The following CNOT4 variants were observed in gnomAD, a reference collection of about 807,000 sequenced individuals.
CNOT4 encodes the protein CCR4-associated factor 4.
Under a neutral mutation model 73.8 loss-of-function variants are expected in CNOT4, and 8 were observed. The ratio of observed to expected loss-of-function variants is 0.11; its 90% CI spans 0.06 to 0.20. The LOEUF is 0.20. Among genes scored for constraint, CNOT4 ranks in the 10% least tolerant of loss-of-function variants. CNOT4 has a pLI of 1.00. For synonymous variants in CNOT4, 293 were observed against 321.1 expected (o/e 0.91, Z 0.94); for missense variants, 564 against 883.4 (o/e 0.64, Z 4.58).
At chr7:135,495,681 A>T (rs1803458741) in intron 1 of CNOT4, among the ~76,000 whole-genome samples, 1 of 98,798 alleles carries the variant, frequency 1.0e-5, no homozygotes, top group Non-Finnish European at 2.1e-5. Context: ...AAAAAAAAAA[A>T]AAAAAAAAAA....
At chr7:135,441,469 G>GA (rs1406316129) in intron 1 of CNOT4, among the ~76,000 whole-genome samples, 12 of 149,954 alleles carry the variant, frequency 8.0e-5, no homozygotes, top group Admixed American at 8.0e-4. Context: ...ATACAGTTAG[G>GA]AGTTTAAAGC....
chr7:135,441,100 T>C (rs748777179), intron 1 of CNOT4, among the ~76,000 whole-genome samples: 35 of 152,154 alleles, frequency 2.3e-4, no homozygotes, highest in Non-Finnish European at 4.7e-4. Context: ...AAACCCTGTA[T>C]GCATATATAT....
Position 135,388,381 on chromosome 7 carries a change from A to G in CNOT4, c.1627+5537T>C, listed in dbSNP as rs577429103. The G allele has an allele frequency of 2.9e-5, 29 of 984,930 alleles. No homozygotes were observed. In the African/African-American group the frequency reaches 5.1e-4, roughly 17 times the overall value. 61.0% of individuals were successfully genotyped at this position (984,930 alleles called of 1,614,324 possible). A position where few individuals can be genotyped will look rare whatever the true frequency, so the allele number is the denominator to read the frequency against. On this transcript the variant is annotated intron_variant, in intron 10 of 11. Transcript: ENST00000541284. ...GTATTCAAAGAATGCAATAGACATTATCTTGTTAATTTGCAAATTTTTCAG... is the reference window on the plus strand; with the variant it reads ...GTATTCAAAGAATGCAATAGACATTGTCTTGTTAATTTGCAAATTTTTCAG...
intron 2 of CNOT4, among the ~76,000 whole-genome samples, chr7:135,431,550 T>C (rs1798842952): frequency 6.6e-6 from 1 of 152,134 alleles, no homozygotes; most frequent in Non-Finnish European, 1.5e-5. Context: ...GAGACCATCC[T>C]GGCTAACATG....
intron 1 of CNOT4, among the ~76,000 whole-genome samples, chr7:135,454,611 T>C (rs920111718): frequency 1.4e-4 from 21 of 151,768 alleles, no homozygotes; most frequent in African/African-American, 4.6e-4. Flanking sequence ...GAAGTGGAAG[T>C]TGCAGTGAGC....
chr7:135,364,612 A>G lies in CNOT4; in HGVS notation c.1628-546T>C, dbSNP rs138228094. ...TCAGAAGAGAAAAGCAGTAATGAAC[A>G]GGCTTTTGAATTTGAAAAGAATGTA... On this transcript the variant is annotated intron_variant, in intron 10 of 11. Coordinates refer to ENST00000541284, the MANE Select transcript of CNOT4 (RefSeq NM_001190850.2). The surrounding 1 kb of genome is among the most constrained non-coding windows in gnomAD (Gnocchi z 4.3). Among the ~76,000 whole-genome samples, 174 of 152,382 alleles carry G rather than the reference A, an allele frequency of 1.1e-3. No individual in the cohort carries two copies. The highest frequency in any genetic ancestry group is 3.9e-3 in the African/African-American group (162 of 41,592).
intron 7 of CNOT4, among the ~76,000 whole-genome samples, chr7:135,406,497 A>C (rs918874): frequency 2.0e-5 from 3 of 150,340 alleles, no homozygotes; most frequent in Admixed American, 2.0e-4. Flanking sequence ...CCATCTCTAC[A>C]AAAAAAAAGA....
At chr7:135,381,948 C>G (rs905839757) in intron 10 of CNOT4, among the ~76,000 whole-genome samples, 4 of 152,086 alleles carry the variant, frequency 2.6e-5, no homozygotes, top group Non-Finnish European at 5.9e-5. Context: ...ACAGTATGTT[C>G]CAGGGTCAGC....
rs1798231000 is a variant in CNOT4, at chr7:135,422,177, A to C, written c.351T>G (p.Ser117=). 3 of 1,609,990 alleles carry C rather than the reference A, an allele frequency of 1.9e-6. No homozygotes were observed. The highest frequency in any genetic ancestry group is 1.7e-5 in the Admixed American group (1 of 59,978). ...TTACCTCTGGGTCTGCTAGGCGCTG[A>C]GATAAACCTACAACAAAGACGAGGT... ...QKNLVFVVGL[S]QRLADPEVLK... is the part of the protein sequence containing the mutation. Residue 117 remains serine, a synonymous_variant, in exon 3 of 12, where the codon TCT becomes TCG. Transcript: ENST00000541284.
intron 1 of CNOT4, among the ~76,000 whole-genome samples, chr7:135,458,558 T>C (rs537268989): frequency 2.9e-4 from 44 of 152,260 alleles, no homozygotes; most frequent in African/African-American, 1.0e-3. Flanking sequence ...TCTTTCAAAA[T>C]TGGAGGCAAT....
chr7:135,407,269 ATTTC>A (rs1797343544), intron 7 of CNOT4, among the ~76,000 whole-genome samples: 1 of 152,224 alleles, frequency 6.6e-6, no homozygotes, highest in African/African-American at 2.4e-5. Flanking sequence ...AGTCTCAAGT[ATTTC>A]TTTATAGCAA....
chr7:135,396,718 T>C (rs1171879753), intron 8 of CNOT4, among the ~76,000 whole-genome samples: 3 of 142,134 alleles, frequency 2.1e-5, no homozygotes, highest in Non-Finnish European at 4.4e-5. Context: ...GTGGTACTGA[T>C]ATAATACTCC....
Position 135,374,565 on chromosome 7 carries a change from A to G in CNOT4, c.1628-10499T>C, listed in dbSNP as rs542344093. 3.4e-4 allele frequency among the ~76,000 whole-genome samples: 52 copies of G among 152,338 alleles called. 1 individual carries two copies. The highest frequency in any genetic ancestry group is 1.2e-3 in the African/African-American group (51 of 41,580). On this transcript the variant is annotated intron_variant, in intron 10 of 11. Transcript: ENST00000541284. ...ATACTTAACAAAAGCCACAAAGTTC[A>G]TTTAAATATGCAAACGGAAAGCCAA... is the stretch of plus-strand genomic sequence containing the variant.
intron 6 of CNOT4, among the ~76,000 whole-genome samples, chr7:135,411,523 A>T (rs990970531): frequency 6.6e-6 from 1 of 152,022 alleles, no homozygotes; most frequent in African/African-American, 2.4e-5. Context: ...GGGTAGGTGT[A>T]CATCAAAAGG....
chr7:135,491,586 G>A (rs1803113185), intron 1 of CNOT4, among the ~76,000 whole-genome samples: 2 of 152,168 alleles, frequency 1.3e-5, no homozygotes, highest in Admixed American at 6.5e-5. Context: ...TTAGCACAGT[G>A]GTAGGGGCAA....
chr7:135,464,484 A>C (rs1315330797), intron 1 of CNOT4, among the ~76,000 whole-genome samples: 1 of 152,174 alleles, frequency 6.6e-6, no homozygotes, highest in African/African-American at 2.4e-5. Context: ...GCTAAATGAT[A>C]AAAAACTTAT....
intron 1 of CNOT4, among the ~76,000 whole-genome samples, chr7:135,467,807 CAG>C (rs1801315209): frequency 6.6e-6 from 1 of 152,152 alleles, no homozygotes; most frequent in Non-Finnish European, 1.5e-5. Flanking sequence ...AAGGAAAGAA[CAG>C]AGAGAAAACA....
intron 10 of CNOT4, among the ~76,000 whole-genome samples, chr7:135,373,301 T>C (rs569751445): frequency 6.6e-6 from 1 of 152,368 alleles, no homozygotes; most frequent in Non-Finnish European, 1.5e-5. Flanking sequence ...TGTAGTTCCA[T>C]GTTCATTTTG....
intron 1 of CNOT4, among the ~76,000 whole-genome samples, chr7:135,439,433 A>C (rs1799344924): frequency 6.6e-6 from 1 of 152,212 alleles, no homozygotes; most frequent in African/African-American, 2.4e-5. Context: ...ATAATTTCCT[A>C]TTAGTATAAA....
Sources: allele counts gnomAD v4.1 joint callset (sites outside exome capture counted in the v4.1 genomes callset), GRCh38; gene constraint gnomAD v4.1.1; non-coding constraint Gnocchi (gnomAD v3.1); transcripts MANE v1.5; gene names NCBI Gene and HGNC (gene_info 2026-07-23, HGNC 2026-07-21).